NDST3: variants seen among roughly 807,000 people sequenced by gnomAD.
NDST3 encodes N-deacetylase and N-sulfotransferase 3.
In NDST3, 58 loss-of-function variants were observed where a neutral mutation model predicts 96.1. The ratio of observed to expected loss-of-function variants is 0.60; its 90% CI spans 0.49 to 0.75. The LOEUF (loss-of-function observed/expected upper bound fraction) is 0.75, where lower values mean the gene tolerates loss of function less well. Among genes scored for constraint, NDST3 ranks in the 30% least tolerant of loss-of-function variants. NDST3 has a pLI of 0.00. For synonymous variants in NDST3, 333 were observed against 359.7 expected (o/e 0.93, Z 0.84); for missense variants, 788 against 1,034.2 (o/e 0.76, Z 3.27).
At chr4:118,127,093 A>T (rs1732169352) in intron 4 of NDST3, among the ~76,000 whole-genome samples, 1 of 151,916 alleles carries the variant, frequency 6.6e-6, no homozygotes, top group African/African-American at 2.4e-5. Context: ...TCTGGTTATT[A>T]ATCTCTTGTC....
At chr4:118,115,269 G>A (rs1730994763) in intron 4 of NDST3, among the ~76,000 whole-genome samples, 1 of 152,130 alleles carries the variant, frequency 6.6e-6, no homozygotes. Flanking sequence ...TGAGAAGGCA[G>A]AAATATGCAT....
At chr4:118,192,566 C>A (rs577879646) in intron 6 of NDST3, among the ~76,000 whole-genome samples, 2 of 152,282 alleles carry the variant, frequency 1.3e-5, no homozygotes, top group East Asian at 3.9e-4. Flanking sequence ...ATGTTCTTGA[C>A]ACCTTTGTCA....
intron 2 of NDST3, chr4:118,055,203 G>T (rs571814851): frequency 3.0e-6 from 1 of 329,792 alleles, no homozygotes; most frequent in South Asian, 3.3e-5. Flanking sequence ...TCAAAAAAAA[G>T]CTATTACTAA....
chr4:118,245,871 G>C (rs1216071008), intron 12 of NDST3, among the ~76,000 whole-genome samples: 2 of 152,010 alleles, frequency 1.3e-5, no homozygotes, highest in Non-Finnish European at 1.5e-5. Context: ...GCACAGGAAA[G>C]TTAAGCCAAA....
At chr4:118,122,867 A>C (rs1731719234) in intron 4 of NDST3, among the ~76,000 whole-genome samples, 1 of 152,198 alleles carries the variant, frequency 6.6e-6, no homozygotes, top group Non-Finnish European at 1.5e-5. Flanking sequence ...TCTCGTATTG[A>C]AAATGAAGAA....
chr4:118,253,675 A>T, intron 13 of NDST3, 74 bp downstream of exon 13: 1 of 1,020,384 alleles, frequency 9.8e-7, no homozygotes, highest in Non-Finnish European at 1.4e-6. Flanking sequence ...TTTCTTAAAA[A>T]ACTAGTTAAA....
At chr4:118,219,301 G>T (rs1179170975) in intron 6 of NDST3, among the ~76,000 whole-genome samples, 1 of 151,978 alleles carries the variant, frequency 6.6e-6, no homozygotes, top group Non-Finnish European at 1.5e-5. Flanking sequence ...ACATTACAAG[G>T]CCACAGTAAC....
chr4:118,077,421 T>C (rs574306500), intron 2 of NDST3, among the ~76,000 whole-genome samples: 2 of 152,216 alleles, frequency 1.3e-5, no homozygotes, highest in African/African-American at 4.8e-5. Context: ...CGCTTAAGAG[T>C]GTTAGCAGAT....
intron 6 of NDST3, among the ~76,000 whole-genome samples, chr4:118,168,867 AG>A (rs1735733621): frequency 6.6e-6 from 1 of 152,230 alleles, no homozygotes; most frequent in Admixed American, 6.5e-5. Flanking sequence ...GAAATAAGTC[AG>A]TCACAGAAGA....
chr4:118,084,819 A>T (rs1004896207), intron 2 of NDST3, among the ~76,000 whole-genome samples: 30 of 152,278 alleles, frequency 2.0e-4, no homozygotes, highest in African/African-American at 7.2e-4. Context: ...ATTAAACATT[A>T]TTTAAAAACA....
At chr4:118,225,189 A>G (rs1337128204) in intron 7 of NDST3, among the ~76,000 whole-genome samples, 1 of 152,192 alleles carries the variant, frequency 6.6e-6, no homozygotes, top group African/African-American at 2.4e-5. Flanking sequence ...AAAGCATTTC[A>G]TGGGAAAATC....
intron 2 of NDST3, among the ~76,000 whole-genome samples, chr4:118,071,616 C>T (rs1422538783): frequency 6.6e-6 from 1 of 152,070 alleles, no homozygotes; most frequent in Non-Finnish European, 1.5e-5. Flanking sequence ...TTCATGGCTG[C>T]ATGATATTCC....
intron 4 of NDST3, among the ~76,000 whole-genome samples, chr4:118,118,190 A>T (rs1731274697): frequency 6.6e-6 from 1 of 152,190 alleles, no homozygotes; most frequent in Non-Finnish European, 1.5e-5. Context: ...TCTAAATTGG[A>T]TTATATCCTG....
chr4:118,138,082 A>C lies in NDST3; in HGVS notation c.1253A>C (p.Tyr418Ser), dbSNP rs749056888. ...CACGGCATTCCAACGGACATGGGCT[A>C]CGCTGTGGCCCCTCACCATTCGGGC... ...LEHGIPTDMG[Y>S]AVAPHHSGVY... Residue 418 changes from tyrosine to serine, a missense_variant, in exon 5 of 14, where the codon TAC becomes TCC. By Grantham distance (144) the Tyr-to-Ser change is moderately radical. Coordinates refer to ENST00000296499, the MANE Select transcript of NDST3 (RefSeq NM_004784.3). 6.2e-7 allele frequency: 1 copy of C among 1,613,040 alleles called. No individual in the cohort carries two copies. The highest frequency in any genetic ancestry group is 8.5e-7 in the Non-Finnish European group (1 of 1,179,530).
chr4:118,251,371 C>CT (rs901725334), intron 12 of NDST3, among the ~76,000 whole-genome samples: 1 of 151,850 alleles, frequency 6.6e-6, no homozygotes, highest in Non-Finnish European at 1.5e-5. Context: ...CGTGATCCGC[C>CT]TGCCTCGGCC....
intron 4 of NDST3, among the ~76,000 whole-genome samples, chr4:118,116,372 G>A (rs185879852): frequency 6.6e-6 from 1 of 152,248 alleles, no homozygotes; most frequent in Admixed American, 6.5e-5. Context: ...TGAAATTGTT[G>A]TTGTTGTTGT....
At chr4:118,085,568 T>C (rs1728355562) in intron 2 of NDST3, among the ~76,000 whole-genome samples, 1 of 152,228 alleles carries the variant, frequency 6.6e-6, no homozygotes, top group African/African-American at 2.4e-5. Flanking sequence ...CAACCTTTTG[T>C]TGATAACACT....
intron 2 of NDST3, among the ~76,000 whole-genome samples, chr4:118,088,389 A>T (rs909201857): frequency 6.6e-6 from 1 of 152,008 alleles, no homozygotes; most frequent in African/African-American, 2.4e-5. Context: ...TTGTGGATGG[A>T]AAGAATTACA....
chr4:118,086,419 T>C (rs956245977), intron 2 of NDST3, among the ~76,000 whole-genome samples: 2 of 152,176 alleles, frequency 1.3e-5, no homozygotes. Context: ...AATCCATTTT[T>C]TTTCAGTACC....
Sources: allele counts gnomAD v4.1 joint callset (sites outside exome capture counted in the v4.1 genomes callset), GRCh38; gene constraint gnomAD v4.1.1; transcripts MANE v1.5; gene names NCBI Gene and HGNC (gene_info 2026-07-23, HGNC 2026-07-21).